The following TMEM117 variants were observed in gnomAD, a reference collection of about 807,000 sequenced individuals.
TMEM117 encodes the protein transmembrane protein 117.
In TMEM117, 27 loss-of-function variants were observed where a neutral mutation model predicts 52.4. The observed-to-expected ratio is 0.51, with a 90% confidence interval of 0.38 to 0.71. The LOEUF (loss-of-function observed/expected upper bound fraction) is 0.71. Among genes scored for constraint, TMEM117 ranks in the 30% least tolerant of loss-of-function variants. The pLI is 0.00. For missense variants in TMEM117, 556 were observed against 630.5 expected (o/e 0.88, Z 1.26); for synonymous variants, 215 against 206.3 (o/e 1.04, Z -0.36).
At position 44,031,743 on chromosome 12, in the gene TMEM117, C is replaced by T. The variant is rs115331011; in HGVS notation, c.410+87401C>T. On this transcript the variant is annotated intron_variant, in intron 3 of 7. Transcript: ENST00000266534. ...ATTTGTTTCTCTCTACCTGATTTGT[C>T]CATAATTTAGAAACTATTTGTGAGT... 2.9e-3 allele frequency among the ~76,000 whole-genome samples: 438 copies of T among 152,212 alleles called. 4 individuals carry two copies. Among genetic ancestry groups the T allele is most frequent in the African/African-American group, 9.9e-3 (410 of 41,540 alleles).
chr12:44,172,231 A>C (rs1949056415), intron 4 of TMEM117, among the ~76,000 whole-genome samples: 1 of 152,228 alleles, frequency 6.6e-6, no homozygotes, highest in South Asian at 2.1e-4. Flanking sequence ...ACCATTAAAT[A>C]AGAGGCTTAA....
At chr12:44,395,597 C>T in the TMEM117 span, among the ~76,000 whole-genome samples, 1 of 152,206 alleles carries the variant, frequency 6.6e-6, no homozygotes, top group African/African-American at 2.4e-5. Context: ...CAATAAAAAT[C>T]AATTCCTTGC....
chr12:44,277,761 C>CTTT (rs35687259), intron 5 of TMEM117, among the ~76,000 whole-genome samples: 1,857 of 95,504 alleles, frequency 0.019, 61 homozygotes, highest in Middle Eastern at 0.045. Flanking sequence ...AAACTCTGAG[C>CTTT]TTTTTTTTTT....
intron 6 of TMEM117, among the ~76,000 whole-genome samples, chr12:44,324,350 A>G (rs75085471): frequency 0.048 from 7,271 of 152,092 alleles, 353 homozygotes; most frequent in African/African-American, 0.12. Context: ...GCTCTATAAC[A>G]TATTAGAGCC....
At chr12:44,110,258 G>A (rs1948035620) in intron 3 of TMEM117, among the ~76,000 whole-genome samples, 1 of 150,346 alleles carries the variant, frequency 6.7e-6, no homozygotes, top group Admixed American at 6.6e-5. Flanking sequence ...AATAGGAGCA[G>A]TGAGAGGGCA....
chr12:44,341,293 T>C (rs1010302101), intron 6 of TMEM117, among the ~76,000 whole-genome samples: 6 of 152,044 alleles, frequency 3.9e-5, no homozygotes, highest in African/African-American at 9.7e-5. Flanking sequence ...TGAGCCACCA[T>C]GCCCAGCCCA....
intron 3 of TMEM117, among the ~76,000 whole-genome samples, chr12:44,130,510 TATA>T (rs1948396930): frequency 6.6e-6 from 1 of 152,190 alleles, no homozygotes; most frequent in Admixed American, 6.5e-5. Context: ...TTTGTAATTA[TATA>T]ATGTTTTTGG....
At chr12:44,154,806 A>T (rs188472641) in intron 4 of TMEM117, among the ~76,000 whole-genome samples, 3,042 of 142,438 alleles carry the variant, frequency 0.021, 37 homozygotes, top group African/African-American at 0.046. Context: ...GATTTTTTTT[A>T]AAAAAAATAA....
intron 6 of TMEM117, among the ~76,000 whole-genome samples, chr12:44,331,922 T>C (rs1328310944): frequency 6.6e-6 from 1 of 152,076 alleles, no homozygotes; most frequent in Non-Finnish European, 1.5e-5. Context: ...CTTGGGCACA[T>C]AGGTTTTATC....
At chr12:44,039,737 A>C (rs1946767629) in intron 3 of TMEM117, among the ~76,000 whole-genome samples, 1 of 151,978 alleles carries the variant, frequency 6.6e-6, no homozygotes, top group South Asian at 2.1e-4. Flanking sequence ...TTTCCTTCTC[A>C]ATGAAATCTT....
chr12:43,963,483 A>G (rs1455037589), intron 3 of TMEM117, among the ~76,000 whole-genome samples: 1 of 152,234 alleles, frequency 6.6e-6, no homozygotes, highest in Non-Finnish European at 1.5e-5. Flanking sequence ...TAAAGGAGCA[A>G]CAGATGTGTT....
At chr12:44,037,541 C>G (rs569960242) in intron 3 of TMEM117, among the ~76,000 whole-genome samples, 1 of 152,142 alleles carries the variant, frequency 6.6e-6, no homozygotes, top group African/African-American at 2.4e-5. Context: ...GGGGTGGGTC[C>G]CCTGTGAAGC....
chr12:44,291,228 AT>A (rs1442581878), intron 5 of TMEM117, among the ~76,000 whole-genome samples: 1 of 151,970 alleles, frequency 6.6e-6, no homozygotes, highest in Non-Finnish European at 1.5e-5. Flanking sequence ...ATTTGCAAGA[AT>A]TTTATTCTTT....
intron 3 of TMEM117, among the ~76,000 whole-genome samples, chr12:44,019,296 T>G (rs1419465694): frequency 6.6e-6 from 1 of 151,922 alleles, no homozygotes; most frequent in Non-Finnish European, 1.5e-5. Flanking sequence ...GGTTGCGCAC[T>G]TCCCTGAAAA....
intron 6 of TMEM117, among the ~76,000 whole-genome samples, chr12:44,375,909 T>C (rs1951934526): frequency 1.3e-5 from 2 of 152,170 alleles, no homozygotes. Flanking sequence ...CTGTTTCCCT[T>C]CCTTCAGAGA....
At chr12:43,874,006 T>A (rs1003936297) in intron 2 of TMEM117, among the ~76,000 whole-genome samples, 1 of 141,226 alleles carries the variant, frequency 7.1e-6, no homozygotes, top group African/African-American at 2.6e-5. Context: ...AAATCCATGT[T>A]TTTTTTCATT....
intron 6 of TMEM117, among the ~76,000 whole-genome samples, chr12:44,347,693 G>A (rs185381302): frequency 6.6e-6 from 1 of 152,102 alleles, no homozygotes; most frequent in African/African-American, 2.4e-5. Context: ...TAACAGAGGT[G>A]ATTTTCTTAC....
At chr12:43,802,322 T>C in the TMEM117 span, 37,983 of 1,581,440 alleles carry the variant, frequency 0.024, 716 homozygotes, top group South Asian at 0.068. Flanking sequence ...TGAATATCCA[T>C]TCATATCCCT....
chr12:43,930,599 T>C (rs779586724), intron 2 of TMEM117, among the ~76,000 whole-genome samples: 3 of 152,214 alleles, frequency 2.0e-5, no homozygotes, highest in Non-Finnish European at 2.9e-5. Context: ...TGCTTGCTTT[T>C]TGATGCCTTC....
Sources: gnomAD v4.1 joint callset for allele counts (sites outside exome capture counted in the v4.1 genomes callset) on GRCh38, gnomAD v4.1.1 for gene constraint, MANE v1.5 for transcripts, NCBI Gene and HGNC (gene_info 2026-07-23, HGNC 2026-07-21) for gene names.